KRTCAP3: variants seen among roughly 807,000 people sequenced by gnomAD.
KRTCAP3 encodes keratinocyte associated protein 3, also known as keratinocyte-associated protein 3.
A neutral mutation model predicts 20.5 loss-of-function variants in KRTCAP3; 18 were observed. The observed-to-expected ratio is 0.88, with a 90% confidence interval of 0.61 to 1.31. KRTCAP3 has a LOEUF of 1.31. KRTCAP3 is among the 50% of genes most tolerant of loss of function. KRTCAP3 has a pLI of 0.00. For missense variants in KRTCAP3, 347 were observed against 310.4 expected (o/e 1.12, Z -0.89); for synonymous variants, 167 against 133.7 (o/e 1.25, Z -1.72).
At position 27,443,535 on chromosome 2, in the gene KRTCAP3, A is replaced by G. The variant is rs1451987319; in HGVS notation, c.615+3A>G. 2.5e-6 allele frequency: 4 copies of G among 1,613,930 alleles called. No homozygotes were observed. The highest frequency in any genetic ancestry group is 1.7e-5 in the Admixed American group (1 of 60,000). ...GGAAGGACGGACTTCAGGGGCAGGT[A>G]AGGAAGGCAAACAGGAAGGGTTCAT... On this transcript the variant is annotated splice_donor_region_variant and intron_variant, in intron 5 of 6. Coordinates refer to ENST00000288873, the MANE Select transcript of KRTCAP3 (RefSeq NM_173853.4).
Position 27,443,471 on chromosome 2 carries a change from G to A in KRTCAP3, c.554G>A (p.Cys185Tyr). Residue 185 changes from cysteine to tyrosine, a missense_variant, in exon 5 of 7, where the codon TGT (cysteine) becomes TAT (tyrosine). Transcript: ENST00000288873. ...AGEAALSGYCCVAALTLRGVG... is the reference protein window; with the variant it reads ...AGEAALSGYCYVAALTLRGVG... ...GAGGCTGCTCTATCTGGTTACTGCT[G>A]TGTGGCTGCACTCACTCTACGTGGA... The A allele has an allele frequency of 6.2e-7, 1 of 1,614,122 alleles. No individual in the cohort carries two copies. The highest frequency in any genetic ancestry group is 1.1e-5 in the South Asian group (1 of 91,076).
In KRTCAP3 at chr2:27,444,254, G is replaced by C. The variant is rs932681648; in HGVS notation, c.*74G>C. On this transcript the variant is annotated 3_prime_UTR_variant, in exon 7 of 7. Transcript: ENST00000288873. ...ACTAAGCAAGGGGCCCTGACCTCGG[G>C]ATGAGATAACAAATTGTAATAAAGT... 4.6e-6 allele frequency: 3 copies of C among 645,338 alleles called. No individual in the cohort carries two copies. The African/African-American group carries it at 5.5e-5, about 12-fold the overall frequency. The allele number at this position is 645,338 out of a possible 1,614,324, so 40.0% of individuals were successfully genotyped here.
rs764929014 is a variant in KRTCAP3, at chr2:27,443,228, T to C, written c.428T>C (p.Leu143Pro). ...HPGLLDPLVP[L>P]DEGPGHTDCP... Reference sequence around the variant, plus strand: ...GGACTGCTGGATCCTCTGGTACCACTGGATGAGGGGCCGGGACATACTGAC... The same window carrying C: ...GGACTGCTGGATCCTCTGGTACCACCGGATGAGGGGCCGGGACATACTGAC... The change falls in exon 4 of 7, where the codon CTG becomes CCG. Residue 143 changes from leucine to proline, a missense_variant. Leu to Pro is a moderately conservative substitution (Grantham distance 98). Coordinates refer to ENST00000288873, the MANE Select transcript of KRTCAP3 (RefSeq NM_173853.4). 6.2e-7 allele frequency: 1 copy of C among 1,614,178 alleles called. No individual in the cohort carries two copies. The highest frequency in any genetic ancestry group is 8.5e-7 in the Non-Finnish European group (1 of 1,180,014).
At position 27,443,066 on chromosome 2, in the gene KRTCAP3, C is replaced by T. The variant is rs770859481; in HGVS notation, c.274-8C>T. On this transcript the variant is annotated splice_region_variant and splice_polypyrimidine_tract_variant and intron_variant, in intron 3 of 6. Transcript: ENST00000288873. ...AGGCTGCTCACCCTGATCTCCTGTC[C>T]CTGCCAGCACTGGGTCCTGCTGGCA... The T allele has an allele frequency of 7.7e-5, 124 of 1,611,882 alleles. No individual in the cohort carries two copies. The highest frequency in any genetic ancestry group is 3.3e-5 in the Admixed American group (2 of 60,000).
chr2:27,442,411 G>A lies in KRTCAP3; in HGVS notation c.-2G>A, dbSNP rs1483531753. ...GGCCCTGCGGCTGGCGCGGCGGACGGGATGAGGCGCTGCAGTCTCTGCGCT... is the reference window on the plus strand; with the variant it reads ...GGCCCTGCGGCTGGCGCGGCGGACGAGATGAGGCGCTGCAGTCTCTGCGCT... On this transcript the variant is annotated 5_prime_UTR_variant, in exon 1 of 7. Coordinates refer to ENST00000288873, the MANE Select transcript of KRTCAP3 (RefSeq NM_173853.4). The A allele has an allele frequency of 3.8e-6, 6 of 1,559,044 alleles. No homozygotes were observed. The South Asian group carries it at 7.1e-5, about 18-fold the overall frequency.
intron 1 of KRTCAP3, 58 bp from the exon 2 acceptor site, chr2:27,442,521 G>A: frequency 1.3e-6 from 2 of 1,525,858 alleles, no homozygotes; most frequent in Non-Finnish European, 8.8e-7. Flanking sequence ...TTAACCCGCC[G>A]CGAGCCGCCT....
chr2:27,444,450 G>T (rs769331570), downstream of KRTCAP3: 2 of 1,612,786 alleles, frequency 1.2e-6, no homozygotes, highest in South Asian at 2.2e-5. Flanking sequence ...AGGAAAAGCT[G>T]GTGCTGGGGA....
rs566446313 is a variant in KRTCAP3, at chr2:27,443,343, C to G, written c.481-55C>G. On this transcript the variant is annotated intron_variant, in intron 4 of 6. Coordinates refer to ENST00000288873, the MANE Select transcript of KRTCAP3 (RefSeq NM_173853.4). ...CTTGGTCCTGCCCTTTTAATTTCCC[C>G]TATTTGCTGCACTTGCCCTACTCCC... 7 of 1,613,572 alleles carry G rather than the reference C, an allele frequency of 4.3e-6. No homozygotes were observed. In the South Asian group the frequency reaches 6.6e-5, roughly 15 times the overall value.
downstream of KRTCAP3, chr2:27,445,607 T>C (rs1395367347): frequency 3.0e-6 from 4 of 1,313,452 alleles, no homozygotes; most frequent in Non-Finnish European, 4.2e-6. The surrounding 1 kb of genome is among the most constrained non-coding windows in gnomAD (Gnocchi z 4.4). Flanking sequence ...CAGCCTTTTC[T>C]TTCTATTTTG....
chr2:27,442,800 C>A (rs61732551), intron 2 of KRTCAP3, 37 bp downstream of exon 2: 1 of 1,611,446 alleles, frequency 6.2e-7, no homozygotes, highest in Non-Finnish European at 8.5e-7. Flanking sequence ...GGGCCGGGCT[C>A]CCGGAGAGCC....
In KRTCAP3 at chr2:27,444,068, G is replaced by A; in HGVS notation, c.*5+7G>A. On this transcript the variant is annotated splice_region_variant and intron_variant, in intron 6 of 6. Coordinates refer to ENST00000288873, the MANE Select transcript of KRTCAP3 (RefSeq NM_173853.4). ...GAAGTTGGGTTTAGGACAGGTAATG[G>A]GCCTTGAAGGTGGTGGCCCGGGTAA... is the stretch of plus-strand genomic sequence containing the variant. 6.6e-7 allele frequency: 1 copy of A among 1,526,502 alleles called. No homozygotes were observed. Among genetic ancestry groups the A allele is most frequent in the Non-Finnish European group, 9.1e-7 (1 of 1,100,476 alleles). 94.6% of individuals were successfully genotyped at this position (1,526,502 alleles called of 1,614,324 possible). A position where few individuals can be genotyped will look rare whatever the true frequency, so the allele number is the denominator to read the frequency against.
In KRTCAP3 at chr2:27,442,636, G is replaced by C; in HGVS notation, c.86G>C (p.Gly29Ala). 6.4e-7 allele frequency: 1 copy of C among 1,572,252 alleles called. No homozygotes were observed. The change falls in exon 2 of 7, where the codon GGC becomes GCC. Residue 29 changes from glycine (G) to alanine (A), a missense_variant. Coordinates refer to ENST00000288873, the MANE Select transcript of KRTCAP3 (RefSeq NM_173853.4). ...MRVGLALILV[G>A]HVNLLLGAVL... ...GTGGGCCTCGCGCTGATCTTGGTGGGCCACGTGAACCTGCTGCTGGGGGCC... is the reference window on the plus strand; with the variant it reads ...GTGGGCCTCGCGCTGATCTTGGTGGCCCACGTGAACCTGCTGCTGGGGGCC...
In KRTCAP3 at chr2:27,442,454, C is replaced by T. The variant is rs1391541189; in HGVS notation, c.28+14C>T. On this transcript the variant is annotated intron_variant, in intron 1 of 6. Coordinates refer to ENST00000288873, the MANE Select transcript of KRTCAP3 (RefSeq NM_173853.4). ...TCTGCGCTTTCGGTAACTTCCGGGC[C>T]CTGGCGTCTCGTCTCCTTACCCTGG... The T allele has an allele frequency of 1.3e-6, 2 of 1,568,204 alleles. No homozygotes were observed. The highest frequency in any genetic ancestry group is 1.7e-6 in the Non-Finnish European group (2 of 1,156,954).
rs1664785775 is a variant in KRTCAP3 at position 27,443,955 on chromosome 2, G to A, written c.622G>A (p.Glu208Lys). 1.9e-6 allele frequency: 3 copies of A among 1,580,838 alleles called. No homozygotes were observed. The highest frequency in any genetic ancestry group is 2.6e-6 in the Non-Finnish European group (3 of 1,149,654). The change falls in exon 6 of 7, where the codon GAA (glutamate) becomes AAA (lysine). Residue 208 changes from glutamate (E) to lysine (K), a missense_variant. Physicochemically the swap from Glu to Lys is moderately conservative, Grantham distance 56. Coordinates refer to ENST00000288873, the MANE Select transcript of KRTCAP3 (RefSeq NM_173853.4). ...ACTCTATCTTCTTCTGCAGCTAGAGGAAATGACAGAGCTTGAATCTCCTAA... is the reference window on the plus strand; with the variant it reads ...ACTCTATCTTCTTCTGCAGCTAGAGAAAATGACAGAGCTTGAATCTCCTAA... The part of the protein sequence containing the change: ...RKDGLQGQLE[E>K]MTELESPKCK...
intron 6 of KRTCAP3, 25 bp from the exon 7 acceptor site, chr2:27,444,161 T>C (rs959050431): frequency 1.3e-6 from 1 of 784,974 alleles, no homozygotes; most frequent in African/African-American, 1.7e-5. Context: ...CCCTCTGACC[T>C]GGGTTGGTTC....
Position 27,443,524 on chromosome 2 carries a change from C to A in KRTCAP3, c.607C>A (p.Gln203Lys). 6.2e-7 allele frequency: 1 copy of A among 1,614,092 alleles called. No homozygotes were observed. The highest frequency in any genetic ancestry group is 8.5e-7 in the Non-Finnish European group (1 of 1,179,992). ...GVGPCRKDGL[Q>K]GQLEEMTELE... Reference sequence around the variant, plus strand: ...TGGGCCCTGCAGGAAGGACGGACTTCAGGGGCAGGTAAGGAAGGCAAACAG... The same window carrying A: ...TGGGCCCTGCAGGAAGGACGGACTTAAGGGGCAGGTAAGGAAGGCAAACAG... Residue 203 changes from glutamine (Q) to lysine (K), a missense_variant, in exon 5 of 7, where the codon CAG becomes AAG. By Grantham distance (53) the Gln-to-Lys change is moderately conservative (BLOSUM62 1). Coordinates refer to ENST00000288873, the MANE Select transcript of KRTCAP3 (RefSeq NM_173853.4).
chr2:27,445,107 T>C (rs2148464837), downstream of KRTCAP3: 1 of 1,613,900 alleles, frequency 6.2e-7, no homozygotes, highest in Non-Finnish European at 8.5e-7. The surrounding 1 kb of genome is among the most constrained non-coding windows in gnomAD (Gnocchi z 4.4). Context: ...TGGGGTATCC[T>C]GTGGAGGAAG....
At chr2:27,446,383 T>G, downstream of KRTCAP3, 2 of 1,603,300 alleles carry the variant, frequency 1.2e-6, no homozygotes, top group Non-Finnish European at 1.7e-6. Context: ...GCATTATGAA[T>G]ATGGCACTAA....
At chr2:27,445,249 C>T, downstream of KRTCAP3, 1 of 1,590,362 alleles carries the variant, frequency 6.3e-7, no homozygotes, top group Non-Finnish European at 8.6e-7. This position sits in a 1 kb window ranked among gnomAD's most constrained non-coding sequence, Gnocchi z 4.4. Context: ...ATTGATCCTG[C>T]TGCTTTCTAC....
Sources: allele counts gnomAD v4.1 joint callset, GRCh38; gene constraint gnomAD v4.1.1; non-coding constraint Gnocchi (gnomAD v3.1); transcripts MANE v1.5; gene names NCBI Gene and HGNC (gene_info 2026-07-23, HGNC 2026-07-21).